C8orf34: variants seen among roughly 807,000 people sequenced by gnomAD.
The protein encoded by C8orf34 is uncharacterized protein C8orf34.
Under a neutral mutation model 68.3 loss-of-function variants are expected in C8orf34, and 65 were observed. That is an observed-to-expected ratio of 0.95 (90% CI 0.78 to 1.17). The LOEUF (loss-of-function observed/expected upper bound fraction) is 1.17, where lower values mean the gene tolerates loss of function less well. C8orf34 is among the 50% of genes most tolerant of loss of function. The pLI, the probability that C8orf34 is intolerant of heterozygous loss-of-function variation, is 0.00. For synonymous variants in C8orf34, 244 were observed against 241.2 expected, an observed-to-expected ratio of 1.01 and a Z score of -0.11; for missense variants, 664 against 655.4, an observed-to-expected ratio of 1.01 and a Z score of -0.14.
intron 2 of C8orf34, among the ~76,000 whole-genome samples, chr8:68,442,394 C>A (rs913060187): frequency 3.3e-5 from 5 of 151,950 alleles, no homozygotes; most frequent in African/African-American, 9.7e-5. Flanking sequence ...TAGCAGTTCC[C>A]AGAAGTTCTG....
chr8:68,811,759 G>A (rs2129529967), intron 12 of C8orf34, among the ~76,000 whole-genome samples: 1 of 152,314 alleles, frequency 6.6e-6, no homozygotes, highest in South Asian at 2.1e-4. Context: ...AATTTTGATT[G>A]TTATGTGCCA....
chr8:68,351,085 A>T (rs72663001), intron 1 of C8orf34, among the ~76,000 whole-genome samples: 4,331 of 152,092 alleles, frequency 0.028, 85 homozygotes, highest in Middle Eastern at 0.062. Flanking sequence ...ATGTTTTTAT[A>T]TTAGCTGGTA....
intron 7 of C8orf34, among the ~76,000 whole-genome samples, chr8:68,635,407 G>A (rs920853025): frequency 6.6e-6 from 1 of 152,138 alleles, no homozygotes; most frequent in Non-Finnish European, 1.5e-5. Context: ...CAGTATGAAA[G>A]ACATTAATAA....
intron 3 of C8orf34, among the ~76,000 whole-genome samples, chr8:68,460,020 G>A (rs934637521): frequency 1.3e-5 from 2 of 152,200 alleles, no homozygotes; most frequent in African/African-American, 4.8e-5. Flanking sequence ...AGGGGTCAGG[G>A]AGTTCCCTTT....
chr8:68,538,427 G>A (rs1815569325), intron 7 of C8orf34, among the ~76,000 whole-genome samples: 1 of 150,632 alleles, frequency 6.6e-6, no homozygotes, highest in Admixed American at 6.6e-5. Context: ...CAACAGGGAT[G>A]TTGAGAGGAT....
intron 10 of C8orf34, among the ~76,000 whole-genome samples, chr8:68,721,642 G>A (rs1821681032): frequency 6.6e-6 from 1 of 151,856 alleles, no homozygotes; most frequent in Non-Finnish European, 1.5e-5. Context: ...TTGTGCATGT[G>A]AGCATGCTAA....
chr8:68,771,290 A>T (rs565002161), intron 10 of C8orf34, among the ~76,000 whole-genome samples: 42 of 152,338 alleles, frequency 2.8e-4, no homozygotes, highest in African/African-American at 9.9e-4. Flanking sequence ...GTTGCTGCCT[A>T]TAGAGGTTGT....
At chr8:68,567,344 G>A (rs542395459) in intron 7 of C8orf34, among the ~76,000 whole-genome samples, 3 of 152,032 alleles carry the variant, frequency 2.0e-5, no homozygotes, top group Admixed American at 1.3e-4. Context: ...ATTCTTCCAA[G>A]CTAGGAAGGT....
rs548354004 is a variant in C8orf34 at position 68,567,634 on chromosome 8, G to A, written c.1105+34485G>A. ...TTTTGAGGAGGAGTCTTGCTCTGTC[G>A]CCCAGGCTGGAGTGCAGTCGTGCAA... On this transcript the variant is annotated intron_variant, in intron 7 of 13. Coordinates refer to ENST00000518698, the MANE Select transcript of C8orf34 (RefSeq NM_052958.4). Among the ~76,000 whole-genome samples, 13 of 107,056 alleles carry A rather than the reference G, an allele frequency of 1.2e-4. No individual in the cohort carries two copies. The East Asian group carries it at 2.3e-3, about 19-fold the overall frequency. 70.2% of individuals were successfully genotyped at this position (107,056 alleles called of 152,430 possible). A position where few individuals can be genotyped will look rare whatever the true frequency, so the allele number is the denominator to read the frequency against.
At chr8:68,436,712 T>G (rs1298291928) in intron 1 of C8orf34, among the ~76,000 whole-genome samples, 1 of 152,158 alleles carries the variant, frequency 6.6e-6, no homozygotes, top group African/African-American at 2.4e-5. Context: ...GAATACTTTT[T>G]TCCTATGGTG....
Position 68,521,785 on chromosome 8 carries a change from T to C in C8orf34, c.766-14T>C, listed in dbSNP as rs1814765176. On this transcript the variant is annotated splice_polypyrimidine_tract_variant and intron_variant, in intron 5 of 13. Transcript: ENST00000518698. ...AAAGCCATCTAAGACAGCATATTCT[T>C]TTCTTCTCTTCAGGAAACAGTGACA... The C allele has an allele frequency of 6.2e-7, 1 of 1,606,232 alleles. No homozygotes were observed. Among genetic ancestry groups the C allele is most frequent in the Non-Finnish European group, 8.5e-7 (1 of 1,175,882 alleles).
intron 7 of C8orf34, among the ~76,000 whole-genome samples, chr8:68,629,906 A>C (rs961997130): frequency 2.0e-5 from 3 of 152,122 alleles, no homozygotes; most frequent in Non-Finnish European, 4.4e-5. Context: ...CTTTAGAAAG[A>C]AAATAGAGCC....
intron 7 of C8orf34, among the ~76,000 whole-genome samples, chr8:68,595,137 ATT>A (rs397790617): frequency 3.0e-4 from 45 of 147,950 alleles, no homozygotes; most frequent in Non-Finnish European, 5.4e-4. Flanking sequence ...AAAAAAAAAA[ATT>A]TTTTTTTTTA....
chr8:68,691,439 T>A (rs923140506), intron 8 of C8orf34, among the ~76,000 whole-genome samples: 8 of 152,122 alleles, frequency 5.3e-5, no homozygotes, highest in Non-Finnish European at 7.4e-5. Flanking sequence ...ACCTTTATTG[T>A]GATTTTCGTT....
At chr8:68,625,622 G>A (rs1483684887) in intron 7 of C8orf34, 6 of 701,914 alleles carry the variant, frequency 8.5e-6, no homozygotes, top group Non-Finnish European at 1.6e-5. Context: ...GCAACATCCT[G>A]TGGCATGTGG....
chr8:68,743,463 C>T (rs902206574), intron 10 of C8orf34, among the ~76,000 whole-genome samples: 8 of 152,166 alleles, frequency 5.3e-5, no homozygotes, highest in Non-Finnish European at 1.0e-4. Flanking sequence ...CCAGGTTCAT[C>T]TCACTAGGGA....
intron 7 of C8orf34, among the ~76,000 whole-genome samples, chr8:68,559,576 T>C (rs1816357967): frequency 6.6e-6 from 1 of 152,108 alleles, no homozygotes; most frequent in South Asian, 2.1e-4. Context: ...AAAAAAACAT[T>C]TTCTTTTGTT....
At chr8:68,344,494 A>G (rs1806200465) in intron 1 of C8orf34, among the ~76,000 whole-genome samples, 1 of 152,140 alleles carries the variant, frequency 6.6e-6, no homozygotes, top group Non-Finnish European at 1.5e-5. Context: ...CAATATAAAT[A>G]CCCCAGTTAT....
chr8:68,742,944 C>G (rs959785675), intron 10 of C8orf34, among the ~76,000 whole-genome samples: 4 of 152,176 alleles, frequency 2.6e-5, no homozygotes, highest in Non-Finnish European at 5.9e-5. Flanking sequence ...CATCTGGCTT[C>G]CTGACCATCC....
Sources: allele counts gnomAD v4.1 joint callset (sites outside exome capture counted in the v4.1 genomes callset), GRCh38; gene constraint gnomAD v4.1.1; transcripts MANE v1.5; gene names NCBI Gene and HGNC (gene_info 2026-07-23, HGNC 2026-07-21).